Variants in PES1 observed in about 807,000 individuals in gnomAD.
The protein encoded by PES1 is pescadillo ribosomal biogenesis factor 1, also known as pescadillo homolog.
A neutral mutation model predicts 77.1 loss-of-function variants in PES1; 31 were observed. The observed-to-expected ratio is 0.40, with a 90% CI of 0.30 to 0.54. PES1 has a LOEUF of 0.54. Among genes scored for constraint, PES1 ranks in the 20% least tolerant of loss-of-function variants. The pLI, the probability that PES1 is intolerant of heterozygous loss-of-function variation, is 0.45. For missense variants in PES1, 658 were observed against 771.7 expected, an observed-to-expected ratio of 0.85 and a Z score of 1.75; for synonymous variants, 282 against 303.0, an observed-to-expected ratio of 0.93 and a Z score of 0.72.
chr22:30,605,153 C>T (rs763138798), intron 2 of PES1, among the ~76,000 whole-genome samples: 3 of 152,108 alleles, frequency 2.0e-5, no homozygotes, highest in Non-Finnish European at 4.4e-5. Flanking sequence ...ACACCACCAT[C>T]CCTGGCATTT....
At chr22:30,591,530 C>T (rs1438752294) in intron 1 of PES1, among the ~76,000 whole-genome samples, 4 of 152,204 alleles carry the variant, frequency 2.6e-5, no homozygotes, top group Non-Finnish European at 5.9e-5. Flanking sequence ...AATAGTGGTC[C>T]CACGGCTCGG....
chr22:30,597,410 A>C (rs2146490298), intron 2 of PES1, among the ~76,000 whole-genome samples: 3 of 151,676 alleles, frequency 2.0e-5, no homozygotes, highest in African/African-American at 4.8e-5. Context: ...TATGTAGCTC[A>C]AGGTTCGTAA....
intron 6 of PES1, among the ~76,000 whole-genome samples, chr22:30,583,184 C>T (rs2087012971): frequency 6.6e-6 from 1 of 152,044 alleles, no homozygotes; most frequent in African/African-American, 2.4e-5. Context: ...GAGAGGAGGG[C>T]TGGGGAAGGG....
intron 2 of PES1, among the ~76,000 whole-genome samples, chr22:30,599,919 G>A (rs1453468828): frequency 6.6e-6 from 1 of 151,770 alleles, no homozygotes; most frequent in Non-Finnish European, 1.5e-5. Flanking sequence ...GAAAATGAAA[G>A]CAAAAATAAA....
upstream of PES1, among the ~76,000 whole-genome samples, chr22:30,592,766 C>T (rs2087202660): frequency 6.6e-6 from 1 of 152,130 alleles, no homozygotes; most frequent in African/African-American, 2.4e-5. Flanking sequence ...CACTGCACTC[C>T]AGCCTGGGCG....
At chr22:30,593,872 A>G (rs1430738143), upstream of PES1, among the ~76,000 whole-genome samples, 1 of 152,232 alleles carries the variant, frequency 6.6e-6, no homozygotes, top group Non-Finnish European at 1.5e-5. Context: ...ATAGATTCTC[A>G]CCAAGCAGTC....
chr22:30,588,352 C>G (rs1008920013), intron 2 of PES1, among the ~76,000 whole-genome samples, 178 bp from the exon 3 acceptor site: 1 of 152,058 alleles, frequency 6.6e-6, no homozygotes, highest in Non-Finnish European at 1.5e-5. Flanking sequence ...CGCAGACTTG[C>G]GAGTCTCTAG....
intron 4 of PES1, 84 bp from the exon 5 acceptor site, chr22:30,584,801 G>T: frequency 7.1e-7 from 1 of 1,411,600 alleles, no homozygotes; most frequent in Non-Finnish European, 9.7e-7. Context: ...CACCCCAGAT[G>T]CCCCGTTCCT....
intron 14 of PES1, 31 bp from the exon 15 acceptor site, chr22:30,577,160 G>C: frequency 7.7e-7 from 1 of 1,292,986 alleles, no homozygotes; most frequent in Non-Finnish European, 1.1e-6. Context: ...GTCAGGCTGA[G>C]GTATGTGTAG....
At chr22:30,592,536 C>G (rs1248193624), upstream of PES1, 3 of 513,900 alleles carry the variant, frequency 5.8e-6, no homozygotes, top group African/African-American at 6.2e-5. Context: ...GTGGCGCACG[C>G]CTGTAATCCC....
chr22:30,581,248 C>T, intron 8 of PES1, 86 bp downstream of exon 8: 4 of 1,471,532 alleles, frequency 2.7e-6, no homozygotes, highest in South Asian at 1.2e-5. Flanking sequence ...CATAACCACC[C>T]CCACTCTGAA....
At chr22:30,591,109 ACTC>A (rs1242070183) in intron 1 of PES1, among the ~76,000 whole-genome samples, 7 of 151,674 alleles carry the variant, frequency 4.6e-5, no homozygotes, top group Non-Finnish European at 7.4e-5. Context: ...TAATCGTGTT[ACTC>A]CTCCTTTTTT....
At position 30,580,134 on chromosome 22, in the gene PES1, C is replaced by A. The variant is rs766314798; in HGVS notation, c.1088G>T (p.Gly363Val). ...EVSWDKSLCI[G>V]ATYDVTDSRI... ...GGAGTCTGTGACGTCATAGGTGGCCCCAATGCACAAAGATTTGTCCCAGGA... is the reference window on the plus strand; with the variant it reads ...GGAGTCTGTGACGTCATAGGTGGCCACAATGCACAAAGATTTGTCCCAGGA... The change falls in exon 11 of 15, where the codon GGG (glycine) becomes GTG (valine). Residue 363 changes from glycine (G) to valine (V), a missense_variant. Transcript: ENST00000354694. 1.3e-4 allele frequency: 214 copies of A among 1,613,928 alleles called. No homozygotes were observed. The highest frequency in any genetic ancestry group is 1.7e-4 in the Non-Finnish European group (205 of 1,180,008).
At chr22:30,603,745 A>G (rs953917950) in intron 2 of PES1, 3 of 152,202 alleles carry the variant, frequency 2.0e-5, no homozygotes, top group East Asian at 1.9e-4. Context: ...ATATAGAACT[A>G]GAGTTGTGTA....
At chr22:30,604,004 T>C (rs2087399154) in intron 2 of PES1, 1 of 152,178 alleles carries the variant, frequency 6.6e-6, no homozygotes, top group Non-Finnish European at 1.5e-5. Flanking sequence ...CAAGCAGTGT[T>C]TTGAGGCAAG....
In PES1 at chr22:30,591,842, G is replaced by A. The variant is rs376174422; in HGVS notation, c.-9C>T. The stretch of plus-strand genomic sequence containing the variant: ...TTCTCAAGGCCTCCCATCGCTCCAC[G>A]TTGAGGAGCCGACTAGGGCCGCGCG... On this transcript the variant is annotated 5_prime_UTR_variant, in exon 1 of 15. The change creates a new upstream start codon in the 5' untranslated region. Transcript: ENST00000354694. The A allele has an allele frequency of 1.6e-5, 25 of 1,553,942 alleles. No individual in the cohort carries two copies. The highest frequency in any genetic ancestry group is 4.8e-5 in the East Asian group (2 of 41,616).
intron 2 of PES1, among the ~76,000 whole-genome samples, chr22:30,604,676 GTTGCAGCTGGC>G (rs1199427290): frequency 1.8e-4 from 27 of 151,986 alleles, no homozygotes; most frequent in Non-Finnish European, 1.5e-4. Flanking sequence ...TCCTGTTGAT[GTTGCAGCTGGC>G]TTGCAGCTGG....
intron 2 of PES1, among the ~76,000 whole-genome samples, chr22:30,603,041 G>A (rs181548842): frequency 3.3e-5 from 5 of 152,120 alleles, no homozygotes; most frequent in Admixed American, 6.5e-5. Flanking sequence ...CTCCCAAGTA[G>A]CTGGGACTAC....
intron 4 of PES1, among the ~76,000 whole-genome samples, chr22:30,586,463 A>C (rs1365696885): frequency 1.3e-5 from 2 of 152,200 alleles, no homozygotes; most frequent in Non-Finnish European, 2.9e-5. Flanking sequence ...GACATTTACC[A>C]GTCCAGGGGT....
Sources: allele counts gnomAD v4.1 joint callset (sites outside exome capture counted in the v4.1 genomes callset), GRCh38; gene constraint gnomAD v4.1.1; transcripts MANE v1.5; gene names NCBI Gene and HGNC (gene_info 2026-07-23, HGNC 2026-07-21).